The following MAST2 variants were observed in gnomAD, a reference collection of about 807,000 sequenced individuals.
MAST2 encodes the protein microtubule-associated serine/threonine-protein kinase 2.
Under a neutral mutation model 147.4 loss-of-function variants are expected in MAST2, and 70 were observed. The ratio of observed to expected loss-of-function variants is 0.47; its 90% CI spans 0.39 to 0.58. The LOEUF (loss-of-function observed/expected upper bound fraction) is 0.58, where lower values mean the gene tolerates loss of function less well. Ranked by LOEUF, MAST2 falls within the 20% of genes least tolerant of loss-of-function variation. MAST2 has a pLI of 0.00. For missense variants in MAST2, 2,080 were observed against 2,302.3 expected, an observed-to-expected ratio of 0.90 and a Z score of 1.98; for synonymous variants, 869 against 896.8, an observed-to-expected ratio of 0.97 and a Z score of 0.55.
chr1:45,830,181 C>CTTTTTTT (rs11407885), intron 3 of MAST2, among the ~76,000 whole-genome samples: 1 of 108,256 alleles, frequency 9.2e-6, no homozygotes, highest in Non-Finnish European at 1.8e-5. Flanking sequence ...TTAATTGAAT[C>CTTTTTTT]TTTTTTTTTT....
chr1:45,924,020 C>T (rs1204905179), intron 4 of MAST2, among the ~76,000 whole-genome samples: 1 of 152,068 alleles, frequency 6.6e-6, no homozygotes, highest in Non-Finnish European at 1.5e-5. Context: ...TACAGACACC[C>T]GCCACCACAC....
chr1:45,924,579 A>C (rs1654056543), intron 4 of MAST2, among the ~76,000 whole-genome samples: 1 of 152,308 alleles, frequency 6.6e-6, no homozygotes, highest in East Asian at 1.9e-4. Context: ...ACCCCACTGC[A>C]GCCAGAGTCA....
At chr1:45,997,437 A>AG (rs1645101572) in intron 5 of MAST2, among the ~76,000 whole-genome samples, 1 of 152,176 alleles carries the variant, frequency 6.6e-6, no homozygotes, top group Non-Finnish European at 1.5e-5. Flanking sequence ...TGACAAAGAC[A>AG]GATTGAAGTC....
intron 4 of MAST2, among the ~76,000 whole-genome samples, chr1:45,941,033 A>C (rs1300399659): frequency 1.3e-5 from 2 of 152,216 alleles, no homozygotes; most frequent in Non-Finnish European, 2.9e-5. Flanking sequence ...ACAGTGGTAG[A>C]TAAAACTGGT....
intron 4 of MAST2, among the ~76,000 whole-genome samples, chr1:45,948,937 A>G (rs1658520356): frequency 6.6e-6 from 1 of 152,098 alleles, no homozygotes; most frequent in Non-Finnish European, 1.5e-5. Flanking sequence ...CACACCTATG[A>G]TAACCTGATC....
intron 4 of MAST2, among the ~76,000 whole-genome samples, chr1:45,923,271 C>T (rs554139427): frequency 6.6e-6 from 1 of 152,304 alleles, no homozygotes; most frequent in South Asian, 2.1e-4. Flanking sequence ...GGACTGTCCA[C>T]CTTGGCGTCT....
chr1:45,993,032 A>G (rs1414040956), intron 5 of MAST2, among the ~76,000 whole-genome samples: 3 of 152,112 alleles, frequency 2.0e-5, no homozygotes, highest in Non-Finnish European at 4.4e-5. Flanking sequence ...CATACAGGAT[A>G]AGAATCTTCC....
At chr1:46,029,141 A>G in intron 18 of MAST2, 2 of 585,070 alleles carry the variant, frequency 3.4e-6, no homozygotes, top group Non-Finnish European at 5.9e-6. Context: ...CATGTCTCTC[A>G]TAGACACCTG....
chr1:45,808,175 C>T (rs1644194667), intron 1 of MAST2, among the ~76,000 whole-genome samples: 1 of 152,094 alleles, frequency 6.6e-6, no homozygotes, highest in Non-Finnish European at 1.5e-5. Flanking sequence ...TTGAAATGTG[C>T]TTCTCTCTGT....
At chr1:45,819,646 A>G (rs1490840373) in intron 1 of MAST2, among the ~76,000 whole-genome samples, 1 of 152,168 alleles carries the variant, frequency 6.6e-6, no homozygotes, top group Non-Finnish European at 1.5e-5. Context: ...AAAGAGATGA[A>G]AGATCTCTCT....
In MAST2 at chr1:46,022,983, G is replaced by T; in HGVS notation, c.1485+12G>T. 6.2e-7 allele frequency: 1 copy of T among 1,613,200 alleles called. No individual in the cohort carries two copies. Among genetic ancestry groups the T allele is most frequent in the Non-Finnish European group, 8.5e-7 (1 of 1,179,218 alleles). ...ATGATTCTATTGAGGTAAAAACCCTGAGCTCCTACCCCATTCCTGGAGCCT... is the reference window on the plus strand; with the variant it reads ...ATGATTCTATTGAGGTAAAAACCCTTAGCTCCTACCCCATTCCTGGAGCCT... On this transcript the variant is annotated intron_variant, in intron 13 of 28. Coordinates refer to ENST00000361297, the MANE Select transcript of MAST2 (RefSeq NM_015112.3).
At chr1:45,834,823 C>G (rs753726720) in intron 3 of MAST2, among the ~76,000 whole-genome samples, 41 of 152,052 alleles carry the variant, frequency 2.7e-4, no homozygotes, top group Non-Finnish European at 5.2e-4. Context: ...CAGTTTTGAT[C>G]TTTGCCTTCT....
At position 46,033,886 on chromosome 1, in the gene MAST2, G is replaced by C; in HGVS notation, c.3622G>C (p.Ala1208Pro). The C allele has an allele frequency of 6.2e-7, 1 of 1,614,172 alleles. No individual in the cohort carries two copies. Among genetic ancestry groups the C allele is most frequent in the Non-Finnish European group, 8.5e-7 (1 of 1,180,016 alleles). ...VGPARKGSYKAKMARRSKRSR... is the reference protein window; with the variant it reads ...VGPARKGSYKPKMARRSKRSR... ...GCCAGCTCGGAAGGGCAGCTACAAG[G>C]CCAAGATGGCCCGAAGGAGCAAGAG... Residue 1208 changes from alanine to proline, a missense_variant, in exon 27 of 29, where the codon GCC (alanine) becomes CCC (proline). Around this residue, in one of 4 missense-constraint regions of MAST2, gnomAD observed 1,278 missense variants for 1,304.2 expected, o/e 0.98. Coordinates refer to ENST00000361297, the MANE Select transcript of MAST2 (RefSeq NM_015112.3).
At chr1:45,846,137 T>C (rs1343462618) in intron 3 of MAST2, among the ~76,000 whole-genome samples, 2 of 152,130 alleles carry the variant, frequency 1.3e-5, no homozygotes, top group South Asian at 2.1e-4. Context: ...TTTTAACCAT[T>C]TAACTCTGGT....
chr1:45,939,989 T>TTTTGTTTTTTTTGGTTTTTTTG (rs776892902), intron 4 of MAST2, among the ~76,000 whole-genome samples: 2 of 128,882 alleles, frequency 1.6e-5, no homozygotes, highest in East Asian at 2.4e-4. Flanking sequence ...GGTTTTTTTT[T>TTTTGTTTTTTTTGGTTTTTTTG]TTTTTTTTTT....
At chr1:45,883,912 G>C (rs868261582) in intron 4 of MAST2, among the ~76,000 whole-genome samples, 40 of 2,490 alleles carry the variant, frequency 0.016, 1 homozygote, top group Admixed American at 0.047. Context: ...TACTATTTCT[G>C]CCCCCCCCGC....
At chr1:45,980,023 C>T (rs543731829) in intron 5 of MAST2, among the ~76,000 whole-genome samples, 12 of 152,300 alleles carry the variant, frequency 7.9e-5, no homozygotes, top group African/African-American at 2.4e-4. Context: ...CAATGGCTCA[C>T]GCCTGTAATC....
At chr1:45,866,410 ATGT>A (rs1460254057) in intron 3 of MAST2, among the ~76,000 whole-genome samples, 2 of 152,222 alleles carry the variant, frequency 1.3e-5, no homozygotes, top group African/African-American at 4.8e-5. Flanking sequence ...GTAGTGATGT[ATGT>A]TCAAGCAGCT....
At chr1:45,859,326 C>A (rs1332285988) in intron 3 of MAST2, among the ~76,000 whole-genome samples, 1 of 152,168 alleles carries the variant, frequency 6.6e-6, no homozygotes, top group Non-Finnish European at 1.5e-5. Flanking sequence ...TCTCAAACTC[C>A]TGGCCTCAAG....
Sources: allele counts gnomAD v4.1 joint callset (sites outside exome capture counted in the v4.1 genomes callset), GRCh38; gene constraint gnomAD v4.1.1; regional missense constraint gnomAD v4.1.1; transcripts MANE v1.5; gene names NCBI Gene and HGNC (gene_info 2026-07-23, HGNC 2026-07-21).